Variants in CDH23 observed in about 807,000 individuals in gnomAD.
CDH23 encodes cadherin-23.
A neutral mutation model predicts 317.1 loss-of-function variants in CDH23; 189 were observed. That is an observed-to-expected ratio of 0.60 (90% CI 0.53 to 0.67). The LOEUF is 0.67. Among genes scored for constraint, CDH23 ranks in the 30% least tolerant of loss-of-function variants. The probability of loss-of-function intolerance (pLI) is 0.00; values close to 1 mark genes in which losing one functional copy is unlikely to be tolerated. For synonymous variants in CDH23, 1,839 were observed against 1,876.8 expected (o/e 0.98, Z 0.52); for missense variants, 4,401 against 4,592.4 (o/e 0.96, Z 1.20).
intron 19 of CDH23, among the ~76,000 whole-genome samples, chr10:71,689,182 T>C (rs200416388): frequency 0.014 from 367 of 26,936 alleles, 19 homozygotes; most frequent in Middle Eastern, 0.04. Context: ...GGTGGTAGAG[T>C]CAGGGGTGGT....
intron 3 of CDH23, among the ~76,000 whole-genome samples, chr10:71,505,697 A>G (rs1176345420): frequency 6.6e-6 from 1 of 152,196 alleles, no homozygotes; most frequent in Non-Finnish European, 1.5e-5. Context: ...CCATCTCTCT[A>G]TCATAAGAGG....
At chr10:71,507,746 C>T (rs1290854832) in intron 3 of CDH23, among the ~76,000 whole-genome samples, 1 of 152,194 alleles carries the variant, frequency 6.6e-6, no homozygotes, top group Admixed American at 6.5e-5. Flanking sequence ...TCTTCCTGTT[C>T]GTTTTAGTAT....
chr10:71,515,092 G>A (rs913037857), intron 6 of CDH23, among the ~76,000 whole-genome samples: 8 of 152,192 alleles, frequency 5.3e-5, no homozygotes, highest in African/African-American at 1.9e-4. Flanking sequence ...GTTTAGGCAG[G>A]AGGATGGGTG....
rs532598143 is a variant in CDH23 at position 71,621,473 on chromosome 10, G to C, written c.1134+4080G>C. The stretch of plus-strand genomic sequence containing the variant: ...TCACCAGTGTAATCCAGGCCCTCAT[G>C]CTCTGCCTGGAACGTTGATGGCACT... On this transcript the variant is annotated intron_variant, in intron 11 of 69. Coordinates refer to ENST00000224721, the MANE Select transcript of CDH23 (RefSeq NM_022124.6). Among the ~76,000 whole-genome samples the C allele has an allele frequency of 1.1e-4, 17 of 152,346 alleles. No homozygotes were observed. In the East Asian group the frequency reaches 3.3e-3, roughly 29 times the overall value.
rs558790822 is a variant in CDH23, at chr10:71,509,169, T to A, written c.146-913T>A. Among the ~76,000 whole-genome samples the A allele has an allele frequency of 8.2e-4, 125 of 152,252 alleles. 2 individuals carry two copies. The highest frequency in any genetic ancestry group is 2.6e-3 in the Admixed American group (39 of 15,282). ...CTTGTCACCCAGTTCTAGACTGGAG[T>A]TCCTTGAGGCTCAGCTACATCTTCT... On this transcript the variant is annotated intron_variant, in intron 3 of 69. Transcript: ENST00000224721.
chr10:71,807,774 G>A lies in CDH23; in HGVS notation c.8560+7G>A. On this transcript the variant is annotated splice_region_variant and intron_variant, in intron 59 of 69. Coordinates refer to ENST00000224721, the MANE Select transcript of CDH23 (RefSeq NM_022124.6). ...AAGGCTGAGTACACTGCAGGTGCAG[G>A]GACTGGAGCCTGGGCACGAGGTGTG... 2 of 1,594,374 alleles carry A rather than the reference G, an allele frequency of 1.3e-6. No individual in the cohort carries two copies. Among genetic ancestry groups the A allele is most frequent in the African/African-American group, 2.7e-5 (2 of 74,542 alleles).
intron 3 of CDH23, among the ~76,000 whole-genome samples, chr10:71,460,282 G>A (rs1022130179): frequency 2.0e-5 from 3 of 152,234 alleles, no homozygotes; most frequent in African/African-American, 7.2e-5. Context: ...TCATAACACG[G>A]TGGACAGGGC....
In CDH23 at chr10:71,704,968, G is replaced by A. The variant is rs1865723841; in HGVS notation, c.2791G>A (p.Val931Met). ...CGGCCTGGTGTCCTACCGCATGCCG[G>A]TGGGCATGCCCCGCATGGACTTCCT... ...LNGLVSYRMP[V>M]GMPRMDFLIN... is the part of the protein sequence containing the mutation. The change falls in exon 25 of 70, where the codon GTG becomes ATG. Residue 931 changes from valine to methionine, a missense_variant. By Grantham distance (21) the Val-to-Met change is conservative (BLOSUM62 1). Transcript: ENST00000224721. 1.9e-6 allele frequency: 3 copies of A among 1,612,896 alleles called. No homozygotes were observed. The highest frequency in any genetic ancestry group is 2.2e-5 in the East Asian group (1 of 44,864).
chr10:71,705,878 G>A (rs969147395), intron 25 of CDH23, among the ~76,000 whole-genome samples: 1 of 152,086 alleles, frequency 6.6e-6, no homozygotes, highest in East Asian at 1.9e-4. Flanking sequence ...ATGGTAGGGG[G>A]CGGGGGAGGG....
chr10:71,471,624 C>T (rs144558888), intron 3 of CDH23, among the ~76,000 whole-genome samples: 1 of 152,298 alleles, frequency 6.6e-6, no homozygotes. Flanking sequence ...CCAGGAGGGC[C>T]AGCGCCACCC....
chr10:71,805,346 G>T (rs1346825864), intron 55 of CDH23, among the ~76,000 whole-genome samples: 3 of 152,180 alleles, frequency 2.0e-5, no homozygotes, highest in Non-Finnish European at 2.9e-5. Flanking sequence ...CCATTTTCAG[G>T]TACCCCATTG....
chr10:71,463,508 C>G (rs760679194), intron 3 of CDH23, among the ~76,000 whole-genome samples: 1 of 152,220 alleles, frequency 6.6e-6, no homozygotes, highest in Non-Finnish European at 1.5e-5. Flanking sequence ...CCAGAAGGCA[C>G]CTTTCTCAGG....
intron 69 of CDH23, among the ~76,000 whole-genome samples, chr10:71,814,260 A>G (rs1360983458): frequency 6.6e-6 from 1 of 152,228 alleles, no homozygotes; most frequent in African/African-American, 2.4e-5. Context: ...ATAAAATTAA[A>G]GATTCTCAGC....
chr10:71,510,900 C>G, intron 4 of CDH23, 54 bp from the exon 5 acceptor site: 4 of 1,595,310 alleles, frequency 2.5e-6, no homozygotes, highest in Non-Finnish European at 3.4e-6. Context: ...GGCCCAGGAC[C>G]CAGGACCTCA....
chr10:71,695,667 A>G lies in CDH23; in HGVS notation c.2397+142A>G, dbSNP rs1865360245. The G allele has an allele frequency of 6.3e-6, 4 of 636,124 alleles. 1 individual carries two copies. The highest frequency in any genetic ancestry group is 5.5e-5 in the South Asian group (3 of 54,284). The allele number at this position is 636,124 out of a possible 1,614,324, so 39.4% of individuals were successfully genotyped here. Reference sequence around the variant, plus strand: ...GAGCTGGCTCTTGCAATAGAGTTCTAGCGGTTCTCCTGCATGGTGAAAGGC... The same window carrying G: ...GAGCTGGCTCTTGCAATAGAGTTCTGGCGGTTCTCCTGCATGGTGAAAGGC... On this transcript the variant is annotated intron_variant, in intron 22 of 69. Transcript: ENST00000224721.
At chr10:71,619,995 A>C (rs1251015096) in intron 11 of CDH23, among the ~76,000 whole-genome samples, 1 of 152,230 alleles carries the variant, frequency 6.6e-6, no homozygotes, top group Non-Finnish European at 1.5e-5. Context: ...CTTATATTGC[A>C]GTAACAAGTT....
chr10:71,718,661 C>A (rs764949889), intron 28 of CDH23, among the ~76,000 whole-genome samples: 2 of 152,246 alleles, frequency 1.3e-5, no homozygotes, highest in Non-Finnish European at 2.9e-5. Context: ...ATGGGAGATG[C>A]CTCAATCCTA....
chr10:71,603,620 G>C (rs895143628), intron 9 of CDH23, among the ~76,000 whole-genome samples: 2 of 152,190 alleles, frequency 1.3e-5, no homozygotes, highest in Non-Finnish European at 2.9e-5. Context: ...AGCAGGGGGG[G>C]CCTCCTTTTC....
intron 28 of CDH23, chr10:71,716,455 G>T: frequency 1.2e-6 from 1 of 807,046 alleles, no homozygotes; most frequent in East Asian, 2.8e-5. Context: ...TGTTAAACTG[G>T]ACAGCATCAT....
Sources: allele counts gnomAD v4.1 joint callset (sites outside exome capture counted in the v4.1 genomes callset), GRCh38; gene constraint gnomAD v4.1.1; transcripts MANE v1.5; gene names NCBI Gene and HGNC (gene_info 2026-07-23, HGNC 2026-07-21).